Variants in H2BC5 observed in about 807,000 individuals in gnomAD.
H2BC5 encodes the protein histone H2B type 1-D.
A neutral mutation model predicts 5.7 loss-of-function variants in H2BC5; 9 were observed. That is an observed-to-expected ratio of 1.57 (90% CI 0.95 to 2.74). H2BC5 has a LOEUF of 2.74. H2BC5 is among the 30% of genes most tolerant of loss of function. The probability of loss-of-function intolerance (pLI) is 0.00; values close to 1 mark genes in which losing one functional copy is unlikely to be tolerated. For synonymous variants in H2BC5, 133 were observed against 70.9 expected, an observed-to-expected ratio of 1.88 and a Z score of -4.40; for missense variants, 175 against 168.8, an observed-to-expected ratio of 1.04 and a Z score of -0.20.
chr6:26,165,204 G>C (rs806967), intron 1 of H2BC5, among the ~76,000 whole-genome samples: 8,990 of 152,162 alleles, frequency 0.059, 688 homozygotes, highest in African/African-American at 0.18. Flanking sequence ...TGTGGAGTGG[G>C]AATCCGAAAT....
chr6:26,171,238 G>C (rs778394841), exon 2 of H2BC5: 1 of 152,066 alleles, frequency 6.6e-6, no homozygotes, highest in African/African-American at 2.4e-5. Flanking sequence ...CTAGTTACTG[G>C]GAATTCATTA....
At chr6:26,160,332 C>T (rs1764331884), downstream of H2BC5, among the ~76,000 whole-genome samples, 1 of 151,944 alleles carries the variant, frequency 6.6e-6, no homozygotes, top group Admixed American at 6.6e-5. Context: ...AATATCCCCC[C>T]AAAAATGCAC....
chr6:26,167,515 A>G (rs1764449469), intron 1 of H2BC5, among the ~76,000 whole-genome samples: 1 of 152,224 alleles, frequency 6.6e-6, no homozygotes, highest in Non-Finnish European at 1.5e-5. Flanking sequence ...GTGTTGTTCT[A>G]TCAGTCCCTT....
intron 1 of H2BC5, among the ~76,000 whole-genome samples, chr6:26,168,461 A>T (rs189237096): frequency 0.012 from 1,719 of 148,106 alleles, 25 homozygotes; most frequent in African/African-American, 0.034. Flanking sequence ...TCCATTTTTT[A>T]AAAAAAAAAA....
chr6:26,162,007 A>C (rs1764358707), downstream of H2BC5, among the ~76,000 whole-genome samples: 1 of 152,248 alleles, frequency 6.6e-6, no homozygotes, highest in Non-Finnish European at 1.5e-5. Context: ...CTAGGTTAAC[A>C]AAGTAAATAT....
chr6:26,159,328 A>G (rs1336923047), downstream of H2BC5, among the ~76,000 whole-genome samples: 2 of 133,336 alleles, frequency 1.5e-5, no homozygotes, highest in East Asian at 4.6e-4. Context: ...ATAGTCAATC[A>G]TTAAGGTGCC....
At position 26,165,310 on chromosome 6, in the gene H2BC5, G is replaced by C. The variant is rs578042936; in HGVS notation, c.*10-5665G>C. Among the ~76,000 whole-genome samples the C allele has an allele frequency of 1.8e-3, 270 of 152,232 alleles. 1 individual carries two copies. The highest frequency in any genetic ancestry group is 6.1e-3 in the African/African-American group (253 of 41,518). Reference sequence around the variant, plus strand: ...CTTGGACTCCCTAGAATCTTTCTCTGGGCTGCTGCATGTACACAGCCTCTG... The same window carrying C: ...CTTGGACTCCCTAGAATCTTTCTCTCGGCTGCTGCATGTACACAGCCTCTG... On this transcript the variant is annotated intron_variant, in intron 1 of 1. Coordinates refer to the H2BC5 transcript ENST00000289316.
chr6:26,159,700 A>G (rs754218334), downstream of H2BC5, among the ~76,000 whole-genome samples: 39 of 152,196 alleles, frequency 2.6e-4, no homozygotes, highest in Non-Finnish European at 5.0e-4. Context: ...ATGGATGATC[A>G]TTGTCTAAAA....
chr6:26,170,225 T>C (rs1476080898), intron 1 of H2BC5, among the ~76,000 whole-genome samples: 5 of 152,218 alleles, frequency 3.3e-5, no homozygotes, highest in Admixed American at 2.0e-4. Flanking sequence ...TTCCTCATTA[T>C]TCTTAGCACT....
At chr6:26,158,793 A>G (rs546922843), downstream of H2BC5, among the ~76,000 whole-genome samples, 75 of 152,338 alleles carry the variant, frequency 4.9e-4, no homozygotes, top group Non-Finnish European at 8.5e-4. Flanking sequence ...CTCATTTAGT[A>G]TCACATAACA....
intron 1 of H2BC5, among the ~76,000 whole-genome samples, chr6:26,164,549 A>T (rs374540531): frequency 1.3e-3 from 194 of 151,900 alleles, no homozygotes; most frequent in African/African-American, 4.3e-3. Flanking sequence ...CTCCTCTATG[A>T]TTCTTTACAT....
chr6:26,158,240 A>C lies in H2BC5; in HGVS notation c.71A>C (p.Lys24Thr). 5.0e-6 allele frequency: 8 copies of C among 1,614,232 alleles called. No individual in the cohort carries two copies. The highest frequency in any genetic ancestry group is 6.8e-6 in the Non-Finnish European group (8 of 1,180,036). ...AAGAAGGCGGTGACTAAGGCTCAGA[A>C]GAAGGACGGGAAGAAGCGCAAGCGC... ...GSKKAVTKAQ[K>T]KDGKKRKRSR... The change falls in exon 1 of 1, where the codon AAG becomes ACG. Residue 24 changes from lysine to threonine, a missense_variant. By Grantham distance (78) the Lys-to-Thr change is moderately conservative. Coordinates refer to ENST00000377777, the MANE Select transcript of H2BC5 (RefSeq NM_021063.4).
Position 26,158,242 on chromosome 6 carries a change from A to G in H2BC5, c.73A>G (p.Lys25Glu), listed in dbSNP as rs1764270008. 1 of 1,614,240 alleles carries G rather than the reference A, an allele frequency of 6.2e-7. No homozygotes were observed. Among genetic ancestry groups the G allele is most frequent in the Non-Finnish European group, 8.5e-7 (1 of 1,180,048 alleles). ...SKKAVTKAQKKDGKKRKRSRK... is the reference protein window; with the variant it reads ...SKKAVTKAQKEDGKKRKRSRK... ...GAAGGCGGTGACTAAGGCTCAGAAGAAGGACGGGAAGAAGCGCAAGCGCAG... is the reference window on the plus strand; with the variant it reads ...GAAGGCGGTGACTAAGGCTCAGAAGGAGGACGGGAAGAAGCGCAAGCGCAG... The change falls in exon 1 of 1, where the codon AAG (lysine) becomes GAG (glutamate). Residue 25 changes from lysine (K) to glutamate (E), a missense_variant. Coordinates refer to ENST00000377777, the MANE Select transcript of H2BC5 (RefSeq NM_021063.4).
downstream of H2BC5, chr6:26,160,943 C>T (rs944632514): frequency 3.3e-5 from 5 of 151,596 alleles, no homozygotes; most frequent in African/African-American, 1.2e-4. Flanking sequence ...CACAGTGGCT[C>T]ACGCCTGTAA....
intron 1 of H2BC5, chr6:26,164,263 A>G: frequency 3.4e-6 from 1 of 293,820 alleles, no homozygotes; most frequent in Non-Finnish European, 7.2e-6. Context: ...CCTCTATACC[A>G]CCCACTGGCC....
downstream of H2BC5, among the ~76,000 whole-genome samples, chr6:26,159,811 G>A (rs1224454920): frequency 6.6e-6 from 1 of 152,146 alleles, no homozygotes. Flanking sequence ...GTGGTACTTG[G>A]ACGGATAAAT....
chr6:26,160,736 G>C (rs1764337461), downstream of H2BC5: 1 of 151,754 alleles, frequency 6.6e-6, no homozygotes, highest in African/African-American at 2.4e-5. Flanking sequence ...CAGTGTGGTG[G>C]TGTGCGCCTT....
Position 26,158,584 on chromosome 6 carries a change from A to G in H2BC5, c.*34A>G. The G allele has an allele frequency of 6.2e-7, 1 of 1,604,450 alleles. No individual in the cohort carries two copies. Among genetic ancestry groups the G allele is most frequent in the Non-Finnish European group, 8.5e-7 (1 of 1,176,092 alleles). On this transcript the variant is annotated 3_prime_UTR_variant, in exon 1 of 1. Transcript: ENST00000377777. ...AGTAAGCATCTTTACACCTAATCCC[A>G]AAGGCTCTTTTAAGAGCCACGCATG...
At chr6:26,159,856 GTAAGAAAGAGGGTC>G (rs1764324308), downstream of H2BC5, among the ~76,000 whole-genome samples, 7 of 152,264 alleles carry the variant, frequency 4.6e-5, no homozygotes, top group African/African-American at 1.7e-4. Flanking sequence ...ATTCTTAAAA[GTAAGAAAGAGGGTC>G]TAAGAAAGTA....
Sources: gnomAD v4.1 joint callset for allele counts (sites outside exome capture counted in the v4.1 genomes callset) on GRCh38, gnomAD v4.1.1 for gene constraint, MANE v1.5 for transcripts, NCBI Gene and HGNC (gene_info 2026-07-23, HGNC 2026-07-21) for gene names.